RABGAP1L: variants seen among roughly 807,000 people sequenced by gnomAD.
RABGAP1L encodes the protein RAB GTPase activating protein 1 like.
Under a neutral mutation model 137.7 loss-of-function variants are expected in RABGAP1L, and 63 were observed. That is an observed-to-expected ratio of 0.46 (90% CI 0.37 to 0.56). The LOEUF (loss-of-function observed/expected upper bound fraction) is 0.56. Among genes scored for constraint, RABGAP1L ranks in the 20% least tolerant of loss-of-function variants. The probability of loss-of-function intolerance (pLI) is 0.00; values close to 1 mark genes in which losing one functional copy is unlikely to be tolerated. For missense variants in RABGAP1L, 1,095 were observed against 1,244.0 expected, an observed-to-expected ratio of 0.88 and a Z score of 1.80; for synonymous variants, 431 against 433.7, an observed-to-expected ratio of 0.99 and a Z score of 0.08.
intron 13 of RABGAP1L, among the ~76,000 whole-genome samples, chr1:174,424,587 A>AT (rs1410292856): frequency 1.8e-4 from 27 of 152,110 alleles, no homozygotes; most frequent in Admixed American, 1.6e-3. Context: ...CTTTATAGAA[A>AT]TTGAAAAGGT....
intron 1 of RABGAP1L, among the ~76,000 whole-genome samples, chr1:174,213,260 A>G (rs1669038006): frequency 6.6e-6 from 1 of 152,144 alleles, no homozygotes; most frequent in Admixed American, 6.5e-5. Flanking sequence ...CCCTGTCTCT[A>G]CTAAAAATAC....
chr1:174,547,809 A>G, intron 13 of RABGAP1L: 1 of 1,480,776 alleles, frequency 6.8e-7, no homozygotes. Flanking sequence ...TAGTATTTGA[A>G]AATAATCATA....
At chr1:174,652,692 G>A (rs537225121) in intron 14 of RABGAP1L, among the ~76,000 whole-genome samples, 1 of 152,236 alleles carries the variant, frequency 6.6e-6, no homozygotes, top group Admixed American at 6.5e-5. Context: ...AGAGGCACTC[G>A]CCAGATGCCA....
chr1:174,977,987 A>G (rs1211619137), intron 22 of RABGAP1L, among the ~76,000 whole-genome samples: 1 of 152,236 alleles, frequency 6.6e-6, no homozygotes, highest in Non-Finnish European at 1.5e-5. Context: ...GCTTTAGTGC[A>G]GAACGCATCT....
chr1:174,349,592 C>T (rs1243363859), intron 11 of RABGAP1L, among the ~76,000 whole-genome samples: 1 of 143,234 alleles, frequency 7.0e-6, no homozygotes, highest in Non-Finnish European at 1.6e-5. Flanking sequence ...GGGCTGACCC[C>T]CCCCACCTCC....
At chr1:174,500,541 C>T (rs974683272) in intron 13 of RABGAP1L, among the ~76,000 whole-genome samples, 3 of 152,082 alleles carry the variant, frequency 2.0e-5, no homozygotes, top group African/African-American at 7.2e-5. Context: ...AAAGTTCCTA[C>T]CCTGCAGATA....
intron 1 of RABGAP1L, among the ~76,000 whole-genome samples, chr1:174,196,368 T>C (rs1667689906): frequency 6.6e-6 from 1 of 150,704 alleles, no homozygotes; most frequent in South Asian, 2.1e-4. Flanking sequence ...GGACTACAGG[T>C]GCCCGCCACC....
intron 13 of RABGAP1L, among the ~76,000 whole-genome samples, chr1:174,510,096 C>T (rs2147798255): frequency 6.6e-6 from 1 of 152,288 alleles, no homozygotes; most frequent in Middle Eastern, 3.4e-3. Context: ...TAAAAACTTC[C>T]ACTGGACCTT....
chr1:174,866,956 G>A (rs1651361647), intron 19 of RABGAP1L, among the ~76,000 whole-genome samples: 2 of 151,922 alleles, frequency 1.3e-5, no homozygotes, highest in Non-Finnish European at 2.9e-5. Flanking sequence ...GCTGGGAGTG[G>A]TGGCGCTTGT....
chr1:174,226,852 A>C (rs1347077460), intron 3 of RABGAP1L, among the ~76,000 whole-genome samples: 3 of 152,038 alleles, frequency 2.0e-5, no homozygotes, highest in Admixed American at 6.6e-5. Context: ...ATCCAGTTTA[A>C]CAATCTCAGT....
intron 13 of RABGAP1L, among the ~76,000 whole-genome samples, chr1:174,489,276 C>G (rs993226149): frequency 6.6e-6 from 1 of 151,866 alleles, no homozygotes. Flanking sequence ...TGCAATCTAC[C>G]CATCTGACAA....
intron 13 of RABGAP1L, among the ~76,000 whole-genome samples, chr1:174,452,148 A>G (rs1230377365): frequency 6.6e-6 from 1 of 152,182 alleles, no homozygotes; most frequent in African/African-American, 2.4e-5. Context: ...AAGAATAGGA[A>G]GCATAACCAT....
At chr1:174,622,497 A>T (rs940629272) in intron 13 of RABGAP1L, among the ~76,000 whole-genome samples, 15 of 152,376 alleles carry the variant, frequency 9.8e-5, no homozygotes, top group African/African-American at 3.4e-4. Flanking sequence ...AATGTGGCAC[A>T]TATACACCAT....
At chr1:174,465,672 A>G (rs574238822) in intron 13 of RABGAP1L, among the ~76,000 whole-genome samples, 4 of 152,228 alleles carry the variant, frequency 2.6e-5, no homozygotes, top group Admixed American at 6.5e-5. Flanking sequence ...GATTAATGCC[A>G]TGAAAAGAAT....
At chr1:174,663,748 A>C (rs766166392) in intron 14 of RABGAP1L, among the ~76,000 whole-genome samples, 1 of 152,222 alleles carries the variant, frequency 6.6e-6, no homozygotes, top group Non-Finnish European at 1.5e-5. Flanking sequence ...CAGTGTCAAA[A>C]AATTTGAGTC....
Position 174,595,889 on chromosome 1 carries a change from C to G in RABGAP1L, c.1711-41486C>G, listed in dbSNP as rs1192075448. Among the ~76,000 whole-genome samples, 7 of 107,410 alleles carry G rather than the reference C, an allele frequency of 6.5e-5. 1 individual carries two copies. Among genetic ancestry groups the G allele is most frequent in the Admixed American group, 2.7e-4 (3 of 10,984 alleles). The allele number at this position is 107,410 out of a possible 152,430, so 70.5% of individuals were successfully genotyped here. A position where few individuals can be genotyped will look rare whatever the true frequency, so the allele number is the denominator to read the frequency against. On this transcript the variant is annotated intron_variant, in intron 13 of 25. Transcript: ENST00000681986. Reference sequence around the variant, plus strand: ...GAGCTGTGGTGGGCTCCACCCAGTTCGAGCTTCCCTGCTGCTTTGTTTACC... The same window carrying G: ...GAGCTGTGGTGGGCTCCACCCAGTTGGAGCTTCCCTGCTGCTTTGTTTACC...
intron 13 of RABGAP1L, among the ~76,000 whole-genome samples, chr1:174,416,413 A>G (rs529011663): frequency 1.3e-5 from 2 of 152,226 alleles, no homozygotes; most frequent in African/African-American, 4.8e-5. Context: ...AGGTAATTTA[A>G]GGATTTTTAG....
intron 11 of RABGAP1L, among the ~76,000 whole-genome samples, chr1:174,354,434 A>G (rs1026532065): frequency 2.6e-5 from 4 of 152,220 alleles, no homozygotes; most frequent in African/African-American, 4.8e-5. Context: ...TTCTGTAGCT[A>G]TTTATGTATG....
At chr1:174,305,179 A>G (rs374228345) in intron 11 of RABGAP1L, 52 bp downstream of exon 11, 18 of 1,452,988 alleles carry the variant, frequency 1.2e-5, no homozygotes, top group Non-Finnish European at 1.5e-5. Context: ...TGCTTTACTT[A>G]CAATCTTCAG....
Sources: gnomAD v4.1 joint callset for allele counts (sites outside exome capture counted in the v4.1 genomes callset) on GRCh38, gnomAD v4.1.1 for gene constraint, MANE v1.5 for transcripts, NCBI Gene and HGNC (gene_info 2026-07-23, HGNC 2026-07-21) for gene names.